Variants in STAG2 observed in about 807,000 individuals in gnomAD.
STAG2 encodes STAG2 cohesin complex component.
A neutral mutation model predicts 108.1 loss-of-function variants in STAG2; 14 were observed. The observed-to-expected ratio is 0.13, with a 90% CI of 0.09 to 0.20. STAG2 has a LOEUF of 0.20. STAG2 is among the 10% of genes least tolerant of loss of function. The pLI is 1.00. For synonymous variants in STAG2, 307 were observed against 302.7 expected (o/e 1.01, Z -0.15); for missense variants, 440 against 940.9 (o/e 0.47, Z 6.96).
intron 20 of STAG2, among the ~76,000 whole-genome samples, chrX:124,064,347 T>C (rs1412890754): frequency 9.0e-6 from 1 of 110,947 alleles, no homozygotes. Context: ...AGGGTGTTAA[T>C]GGAACAGAAA....
intron 9 of STAG2, among the ~76,000 whole-genome samples, chrX:124,047,746 C>T (rs111738309): frequency 1.6e-3 from 183 of 112,156 alleles, no homozygotes; most frequent in African/African-American, 5.7e-3. Context: ...TGGGGTTAGT[C>T]TGACAAGTTG....
Position 124,081,421 on chromosome X carries a change from T to C in STAG2, c.2817T>C (p.Asp939=). The change falls in exon 28 of 35, where the codon GAT becomes GAC. Residue 939 remains aspartate, a synonymous_variant. Coordinates refer to ENST00000371145, the MANE Select transcript of STAG2 (RefSeq NM_001042750.2). ...TACAAGAAAATGGCTATAATTTTGA[T>C]AGATCATCCTCTACATTTAGTGGCA... ...EMIQENGYNF[D]RSSSTFSGIK... 8.5e-7 allele frequency: 1 copy of C among 1,170,323 alleles called. No individual in the cohort carries two copies. Among genetic ancestry groups the C allele is most frequent in the Non-Finnish European group, 1.1e-6 (1 of 870,280 alleles).
At position 123,973,688 on chromosome X, in the gene STAG2, T is replaced by C. The variant is rs111457229; in HGVS notation, c.-163+11832T>C. Among the ~76,000 whole-genome samples, 383 of 105,968 alleles carry C rather than the reference T, an allele frequency of 3.6e-3. No homozygotes were observed. In the Middle Eastern group the frequency reaches 0.037, roughly 10 times the overall value. 92.0% of individuals were successfully genotyped at this position (105,968 alleles called of 115,157 possible). A position where few individuals can be genotyped will look rare whatever the true frequency, so the allele number is the denominator to read the frequency against. On this transcript the variant is annotated intron_variant, in intron 1 of 34. Coordinates refer to ENST00000371145, the MANE Select transcript of STAG2 (RefSeq NM_001042750.2). ...GGAGAAACCCCATCTCTACTAAAAA[T>C]GCAAAATTAGCTGGGTGTGGTGGTG...
chrX:124,099,247 TGA>T (rs1466328050), intron 34 of STAG2, among the ~76,000 whole-genome samples: 2 of 112,023 alleles, frequency 1.8e-5, no homozygotes, highest in African/African-American at 3.2e-5. Flanking sequence ...GGAAAGAACT[TGA>T]GTTCGTCTTC....
At chrX:124,013,933 G>A (rs1019178749) in intron 1 of STAG2, among the ~76,000 whole-genome samples, 1 of 111,223 alleles carries the variant, frequency 9.0e-6, no homozygotes, top group African/African-American at 3.3e-5. Flanking sequence ...TAACTAAGGG[G>A]GTTGCTAAGT....
In STAG2 at chrX:124,058,302, C is replaced by G. The variant is rs1316617145; in HGVS notation, c.1416+325C>G. ...CCTCCCGAGTAGCTGGGCTTCCAGG[C>G]GTGTGCCACCACGCCCAGCTAATTT... On this transcript the variant is annotated intron_variant, in intron 15 of 34. Transcript: ENST00000371145. Among the ~76,000 whole-genome samples, 3 of 110,146 alleles carry G rather than the reference C, an allele frequency of 2.7e-5. No individual in the cohort carries two copies. The Admixed American group carries it at 2.9e-4, about 11-fold the overall frequency.
At chrX:124,024,512 GTATT>G (rs1177243685) in intron 3 of STAG2, among the ~76,000 whole-genome samples, 1 of 110,862 alleles carries the variant, frequency 9.0e-6, no homozygotes, top group Non-Finnish European at 1.9e-5. Context: ...CTAGGGAATG[GTATT>G]TATTACAGGC....
chrX:124,077,165 CCT>C (rs989588802), intron 26 of STAG2, among the ~76,000 whole-genome samples: 3 of 110,760 alleles, frequency 2.7e-5, no homozygotes. Flanking sequence ...CCTAGTTAAT[CCT>C]CTCTGGAATA....
chrX:124,080,603 G>A (rs187725355), intron 27 of STAG2, among the ~76,000 whole-genome samples: 177 of 110,198 alleles, frequency 1.6e-3, no homozygotes, highest in African/African-American at 5.7e-3. Context: ...CAGGAGAATG[G>A]CGTGAACCCG....
chrX:123,972,494 A>G (rs1331903287), intron 1 of STAG2, among the ~76,000 whole-genome samples: 2 of 108,161 alleles, frequency 1.8e-5, no homozygotes, highest in South Asian at 4.0e-4. Context: ...GATGGTCTTG[A>G]TCTCCTGACC....
intron 3 of STAG2, among the ~76,000 whole-genome samples, chrX:124,024,510 T>A (rs2148011873): frequency 9.0e-6 from 1 of 111,177 alleles, no homozygotes; most frequent in East Asian, 2.8e-4. Flanking sequence ...CTCTAGGGAA[T>A]GGTATTTATT....
At chrX:124,095,542 G>C (rs1039538630) in intron 34 of STAG2, 93 bp downstream of exon 34, 8 of 660,364 alleles carry the variant, frequency 1.2e-5, no homozygotes, top group Non-Finnish European at 1.7e-5. Flanking sequence ...AGCATACTGA[G>C]AATAGATGAA....
intron 1 of STAG2, among the ~76,000 whole-genome samples, chrX:123,989,957 G>A (rs139451973): frequency 0.016 from 1,785 of 111,256 alleles, 15 homozygotes; most frequent in Non-Finnish European, 0.025. Context: ...TTGAGGATGT[G>A]ATTTAGGGCA....
chrX:124,044,545 A>G (rs1475431320), intron 7 of STAG2, among the ~76,000 whole-genome samples: 1 of 111,438 alleles, frequency 9.0e-6, no homozygotes, highest in African/African-American at 3.3e-5. Flanking sequence ...ATTTCTAAGT[A>G]CTTCATTGTT....
chrX:123,992,325 A>G (rs1183973658), intron 1 of STAG2, among the ~76,000 whole-genome samples: 2 of 111,568 alleles, frequency 1.8e-5, no homozygotes, highest in Non-Finnish European at 3.8e-5. Context: ...ATCCTTTTTT[A>G]CATTTTAAAA....
At chrX:123,969,093 T>A (rs1415072449) in intron 1 of STAG2, among the ~76,000 whole-genome samples, 1 of 112,223 alleles carries the variant, frequency 8.9e-6, no homozygotes, top group Non-Finnish European at 1.9e-5. Context: ...GCAAGGTAAA[T>A]ATAGATTTTT....
At chrX:123,986,154 T>TATATATGATACATATGTGATAC (rs1455906871) in intron 1 of STAG2, among the ~76,000 whole-genome samples, 1 of 107,045 alleles carries the variant, frequency 9.3e-6, no homozygotes, top group East Asian at 2.8e-4. Flanking sequence ...GTATATATGA[T>TATATATGATACATATGTGATAC]ATATATGATA....
At chrX:123,995,597 G>C (rs1161225912) in intron 1 of STAG2, among the ~76,000 whole-genome samples, 1 of 110,740 alleles carries the variant, frequency 9.0e-6, no homozygotes, top group African/African-American at 3.3e-5. Context: ...GGGAGGCTGA[G>C]GCAGGAGAAT....
chrX:123,972,539 G>A (rs997862873), intron 1 of STAG2, among the ~76,000 whole-genome samples: 8 of 109,153 alleles, frequency 7.3e-5, no homozygotes, highest in African/African-American at 1.0e-4. Flanking sequence ...CCAAAGTGCC[G>A]GGATTACAGG....
Sources: allele counts gnomAD v4.1 joint callset (sites outside exome capture counted in the v4.1 genomes callset), GRCh38; gene constraint gnomAD v4.1.1; transcripts MANE v1.5; gene names NCBI Gene and HGNC (gene_info 2026-07-23, HGNC 2026-07-21).